PRR5L: variants seen among roughly 807,000 people sequenced by gnomAD.
The protein encoded by PRR5L is proline-rich protein 5-like.
PRR5L carries 21 observed loss-of-function variants against 36.4 expected under a neutral mutation model. That is an observed-to-expected ratio of 0.58 (90% CI 0.41 to 0.83). The LOEUF (loss-of-function observed/expected upper bound fraction) is 0.83, where lower values mean the gene tolerates loss of function less well. Among genes scored for constraint, PRR5L ranks in the 40% least tolerant of loss-of-function variants. PRR5L has a pLI of 0.00. For missense variants in PRR5L, 381 were observed against 473.3 expected (o/e 0.80, Z 1.81); for synonymous variants, 188 against 197.0 (o/e 0.95, Z 0.38).
At chr11:36,330,383 C>G (rs1049977016) in intron 1 of PRR5L, among the ~76,000 whole-genome samples, 1 of 152,136 alleles carries the variant, frequency 6.6e-6, no homozygotes, top group Non-Finnish European at 1.5e-5. Flanking sequence ...TTTGCTTGAT[C>G]TTAGCAGTTT....
intron 1 of PRR5L, among the ~76,000 whole-genome samples, chr11:36,333,360 C>T (rs1856738127): frequency 6.6e-6 from 1 of 152,146 alleles, no homozygotes; most frequent in South Asian, 2.1e-4. Context: ...TACCATACGA[C>T]CTGGCCATTC....
intron 1 of PRR5L, among the ~76,000 whole-genome samples, chr11:36,380,243 G>A (rs1269367534): frequency 2.0e-5 from 3 of 152,164 alleles, no homozygotes; most frequent in Admixed American, 6.5e-5. Context: ...GGAAAGTCAG[G>A]CGCTGTGGAT....
chr11:36,403,320 G>A lies in PRR5L; in HGVS notation c.187G>A (p.Val63Ile), dbSNP rs749639682. ...TAGCGTTCAGACTGCTGTGATCAAC[G>A]TTTTCAAAGGGGGTGGCTTGCAAAG... is the stretch of plus-strand genomic sequence containing the variant. ...WNSVQTAVIN[V>I]FKGGGLQSNE... Residue 63 changes from valine (V) to isoleucine (I), a missense_variant, in exon 3 of 9, where the codon GTT becomes ATT. Transcript: ENST00000530639. The A allele has an allele frequency of 1.9e-5, 30 of 1,614,144 alleles. No individual in the cohort carries two copies. The highest frequency in any genetic ancestry group is 8.9e-5 in the East Asian group (4 of 44,886).
At chr11:36,431,771 T>C in intron 4 of PRR5L, 82 bp from the exon 5 acceptor site, 1 of 1,282,772 alleles carries the variant, frequency 7.8e-7, no homozygotes, top group Non-Finnish European at 1.1e-6. Flanking sequence ...TCTGTGCCCT[T>C]GCCCACTGGA....
At chr11:36,380,304 G>A (rs911276941) in intron 1 of PRR5L, among the ~76,000 whole-genome samples, 4 of 152,118 alleles carry the variant, frequency 2.6e-5, no homozygotes, top group Non-Finnish European at 4.4e-5. Flanking sequence ...GATGGCTGTC[G>A]CATTGCAGAA....
intron 1 of PRR5L, among the ~76,000 whole-genome samples, chr11:36,342,751 C>T (rs1856829369): frequency 1.3e-5 from 2 of 152,100 alleles, no homozygotes; most frequent in Admixed American, 1.3e-4. Context: ...AGTGTTCTGA[C>T]CAGAGACCCT....
intron 8 of PRR5L, among the ~76,000 whole-genome samples, chr11:36,458,330 G>A (rs1859108480): frequency 6.6e-6 from 1 of 152,330 alleles, no homozygotes; most frequent in African/African-American, 2.4e-5. Flanking sequence ...GAGAAACGGG[G>A]CTGAGCCTCA....
intron 3 of PRR5L, among the ~76,000 whole-genome samples, chr11:36,412,459 A>C (rs886212703): frequency 6.6e-6 from 1 of 152,174 alleles, no homozygotes; most frequent in Non-Finnish European, 1.5e-5. Context: ...TTCTGTTGAC[A>C]GGGCAGCAAC....
chr11:36,353,923 C>T lies in PRR5L; in HGVS notation c.-125-47074C>T, dbSNP rs189850617. On this transcript the variant is annotated intron_variant, in intron 1 of 8. Coordinates refer to ENST00000530639, the MANE Select transcript of PRR5L (RefSeq NM_001160167.2). ...CTCAGTGGCTGTGAAAATGAGAGAC[C>T]ATTTCTAGGACTTCAAGAGTCCATG... is the stretch of plus-strand genomic sequence containing the variant. Among the ~76,000 whole-genome samples, 100 of 152,170 alleles carry T rather than the reference C, an allele frequency of 6.6e-4. 1 individual carries two copies. The highest frequency in any genetic ancestry group is 2.2e-3 in the African/African-American group (93 of 41,506).
intron 1 of PRR5L, among the ~76,000 whole-genome samples, chr11:36,310,788 G>A (rs989069618): frequency 1.3e-5 from 2 of 152,090 alleles, no homozygotes; most frequent in Non-Finnish European, 2.9e-5. Context: ...TACAAGGTCA[G>A]AAGATTGAGA....
chr11:36,309,655 A>AGTGGGGATGATGG (rs1856476630), intron 1 of PRR5L, among the ~76,000 whole-genome samples: 5 of 27,054 alleles, frequency 1.8e-4, no homozygotes, highest in East Asian at 2.2e-3. Context: ...GGGGATGATG[A>AGTGGGGATGATGG]TGGTGGTGGT....
chr11:36,463,531 G>A lies in PRR5L; in HGVS notation c.*795G>A, dbSNP rs981451809. On this transcript the variant is annotated 3_prime_UTR_variant, in exon 9 of 9. Transcript: ENST00000530639. ...CTCTTGTCTCTCTCATTTCAGAAACGGACTTTCTCATCATGCTTTCCTATG... is the reference window on the plus strand; with the variant it reads ...CTCTTGTCTCTCTCATTTCAGAAACAGACTTTCTCATCATGCTTTCCTATG... The A allele has an allele frequency of 6.6e-6, 1 of 152,446 alleles. No homozygotes were observed. Among genetic ancestry groups the A allele is most frequent in the Admixed American group, 6.6e-5 (1 of 15,264 alleles). 9.4% of individuals were successfully genotyped at this position (152,446 alleles called of 1,614,324 possible). A position where few individuals can be genotyped will look rare whatever the true frequency, so the allele number is the denominator to read the frequency against.
intron 1 of PRR5L, among the ~76,000 whole-genome samples, chr11:36,337,419 A>G (rs553021538): frequency 1.4e-3 from 218 of 152,300 alleles, no homozygotes; most frequent in Middle Eastern, 6.8e-3. Flanking sequence ...CTTGATCTTC[A>G]ACTTCCCAGC....
At chr11:36,376,447 T>TGTTG in intron 1 of PRR5L, 1 of 1,143,876 alleles carries the variant, frequency 8.7e-7, no homozygotes, top group Non-Finnish European at 1.1e-6. Flanking sequence ...CCGAAGCGTT[T>TGTTG]GTTGACTCGC....
chr11:36,351,296 T>G (rs372503281), intron 1 of PRR5L, among the ~76,000 whole-genome samples: 3,706 of 79,522 alleles, frequency 0.047, 344 homozygotes, highest in East Asian at 0.29. Context: ...ATTTATATAT[T>G]TATATATATA....
Position 36,377,847 on chromosome 11 carries a change from C to A in PRR5L, c.-125-23150C>A, listed in dbSNP as rs537186868. On this transcript the variant is annotated intron_variant, in intron 1 of 8. Coordinates refer to ENST00000530639, the MANE Select transcript of PRR5L (RefSeq NM_001160167.2). This position sits in a 1 kb window ranked among gnomAD's most constrained non-coding sequence, Gnocchi z 5.1. The stretch of plus-strand genomic sequence containing the variant: ...GCTGCACGTCTGCCCCGGAGACCCG[C>A]GTGGAAAAAGCTCTGGGCTGGAATC... The A allele has an allele frequency of 6.6e-6, 1 of 152,320 alleles. No homozygotes were observed. The highest frequency in any genetic ancestry group is 6.5e-5 in the Admixed American group (1 of 15,306). The allele number at this position is 152,320 out of a possible 1,614,324, so 9.4% of individuals were successfully genotyped here.
At chr11:36,450,021 A>G (rs12281565) in intron 7 of PRR5L, among the ~76,000 whole-genome samples, 23,317 of 151,900 alleles carry the variant, frequency 0.15, 1,931 homozygotes, top group Non-Finnish European at 0.16. Flanking sequence ...CCATAGCCCC[A>G]TCCTCAGCTT....
chr11:36,356,022 C>T (rs1321839646), intron 1 of PRR5L, among the ~76,000 whole-genome samples: 2 of 152,108 alleles, frequency 1.3e-5, no homozygotes. Context: ...AATGATCCTC[C>T]AGCCTCAGCC....
chr11:36,453,167 C>T (rs1420357049), intron 8 of PRR5L, among the ~76,000 whole-genome samples: 1 of 152,210 alleles, frequency 6.6e-6, no homozygotes, highest in East Asian at 1.9e-4. Flanking sequence ...AACCTTTGCT[C>T]TCCCTGGTAG....
Sources: gnomAD v4.1 joint callset for allele counts (sites outside exome capture counted in the v4.1 genomes callset) on GRCh38, gnomAD v4.1.1 for gene constraint, Gnocchi (gnomAD v3.1) non-coding constraint, MANE v1.5 for transcripts, NCBI Gene and HGNC (gene_info 2026-07-23, HGNC 2026-07-21) for gene names.